SLC30A7: variants seen among roughly 807,000 people sequenced by gnomAD.
SLC30A7 encodes the protein zinc transporter 7.
SLC30A7 carries 35 observed loss-of-function variants against 46.0 expected under a neutral mutation model. The ratio of observed to expected loss-of-function variants is 0.76; its 90% confidence interval spans 0.58 to 1.01. SLC30A7 has a LOEUF of 1.01. Ranked by LOEUF, SLC30A7 falls within the 50% of genes least tolerant of loss-of-function variation. SLC30A7 has a pLI of 0.00. For synonymous variants in SLC30A7, 147 were observed against 157.8 expected (o/e 0.93, Z 0.51); for missense variants, 464 against 451.1 (o/e 1.03, Z -0.26).
chr1:100,931,019 C>T lies in SLC30A7; in HGVS notation c.842+9178C>T, dbSNP rs762695830. 3.3e-5 allele frequency among the ~76,000 whole-genome samples: 5 copies of T among 151,892 alleles called. No individual in the cohort carries two copies. In the South Asian group the frequency reaches 1.0e-3, roughly 31 times the overall value. On this transcript the variant is annotated intron_variant, in intron 8 of 10. Coordinates refer to ENST00000357650, the MANE Select transcript of SLC30A7 (RefSeq NM_133496.5). Reference sequence around the variant, plus strand: ...ATCCTTGGGGCAATTGAGAAATAGTCGCTAAAATCATTTTCTGTGTTCATT... The same window carrying T: ...ATCCTTGGGGCAATTGAGAAATAGTTGCTAAAATCATTTTCTGTGTTCATT...
At position 100,947,315 on chromosome 1, in the gene SLC30A7, C is replaced by T. The variant is rs1219187786; in HGVS notation, c.843-14513C>T. ...ATTTCTGCCTTCATTTCATTATTTA[C>T]CCAGTAGTCATTCAGGAACAGGTTG... On this transcript the variant is annotated intron_variant, in intron 8 of 10. Coordinates refer to ENST00000357650, the MANE Select transcript of SLC30A7 (RefSeq NM_133496.5). Among the ~76,000 whole-genome samples, 5 of 152,072 alleles carry T rather than the reference C, an allele frequency of 3.3e-5. No individual in the cohort carries two copies. The East Asian group carries it at 5.8e-4, about 18-fold the overall frequency.
chr1:100,924,600 C>T (rs1415117070), intron 8 of SLC30A7, among the ~76,000 whole-genome samples: 5 of 151,632 alleles, frequency 3.3e-5, no homozygotes, highest in Non-Finnish European at 7.4e-5. Flanking sequence ...TTTGTTATTG[C>T]CCTCAAGCTC....
At chr1:100,899,903 A>G (rs1416054513) in intron 2 of SLC30A7, among the ~76,000 whole-genome samples, 1 of 152,010 alleles carries the variant, frequency 6.6e-6, no homozygotes, top group Non-Finnish European at 1.5e-5. Flanking sequence ...CCTAGTTGCA[A>G]ATGTAGTCTT....
rs1650909091 is a variant in SLC30A7 at position 100,896,231 on chromosome 1, G to C, written c.-32G>C. 1 of 1,606,344 alleles carries C rather than the reference G, an allele frequency of 6.2e-7. No individual in the cohort carries two copies. The highest frequency in any genetic ancestry group is 1.1e-5 in the South Asian group (1 of 90,890). On this transcript the variant is annotated 5_prime_UTR_variant, in exon 1 of 11. Coordinates refer to ENST00000357650, the MANE Select transcript of SLC30A7 (RefSeq NM_133496.5). ...ACCCCACGGAGCCACTTCTAGAGGG[G>C]AGTAGACCCGGCCCTTCGCCGGGCA...
intron 8 of SLC30A7, among the ~76,000 whole-genome samples, chr1:100,922,585 G>A (rs1653018165): frequency 6.6e-6 from 1 of 152,160 alleles, no homozygotes; most frequent in Non-Finnish European, 1.5e-5. Flanking sequence ...AATGCTACCT[G>A]AAATGAATTA....
intron 8 of SLC30A7, among the ~76,000 whole-genome samples, chr1:100,928,793 C>T (rs979516879): frequency 6.6e-6 from 1 of 152,088 alleles, no homozygotes; most frequent in African/African-American, 2.4e-5. Flanking sequence ...AGCAGTATTT[C>T]TTTACAATCA....
At chr1:100,951,639 C>A (rs904755455) in intron 8 of SLC30A7, among the ~76,000 whole-genome samples, 1 of 152,162 alleles carries the variant, frequency 6.6e-6, no homozygotes. Context: ...GTTCGTGCTG[C>A]TCAGCCTGCC....
At chr1:100,913,474 C>T (rs563346278) in intron 5 of SLC30A7, among the ~76,000 whole-genome samples, 189 bp from the exon 6 acceptor site, 23 of 152,290 alleles carry the variant, frequency 1.5e-4, no homozygotes, top group African/African-American at 5.5e-4. Context: ...TCTATGCTTT[C>T]ATTACCTTCT....
chr1:100,899,381 T>C (rs149234183), intron 2 of SLC30A7, among the ~76,000 whole-genome samples: 1 of 152,338 alleles, frequency 6.6e-6, no homozygotes, highest in East Asian at 1.9e-4. Flanking sequence ...CTCTTAGAAA[T>C]TGGGAGGAAA....
the SLC30A7 span, among the ~76,000 whole-genome samples, chr1:100,993,882 A>T: frequency 2.6e-5 from 4 of 151,634 alleles, no homozygotes; most frequent in African/African-American, 9.7e-5. Context: ...CTGGGATTAC[A>T]GGTGCCTGCC....
In SLC30A7 at chr1:100,965,749, A is replaced by G. The variant is rs761277486; in HGVS notation, c.934-20A>G. The G allele has an allele frequency of 2.5e-6, 4 of 1,606,926 alleles. No homozygotes were observed. The highest frequency in any genetic ancestry group is 2.2e-5 in the East Asian group (1 of 44,810). On this transcript the variant is annotated intron_variant, in intron 9 of 10. Transcript: ENST00000357650. ...TGCTTAACTTGATTATGATGTTAAT[A>G]TCTCTCCTTTATATTTCAGGTACAG... is the stretch of plus-strand genomic sequence containing the variant.
At chr1:100,929,634 G>A (rs936958127) in intron 8 of SLC30A7, among the ~76,000 whole-genome samples, 26 of 151,994 alleles carry the variant, frequency 1.7e-4, no homozygotes, top group Middle Eastern at 3.2e-3. Flanking sequence ...ACGTGCCATG[G>A]AAATATATGT....
intron 6 of SLC30A7, among the ~76,000 whole-genome samples, chr1:100,916,350 T>C (rs1038382565): frequency 2.6e-5 from 4 of 152,038 alleles, no homozygotes; most frequent in African/African-American, 9.7e-5. Flanking sequence ...CACACCCAGC[T>C]AACTTTTTGT....
Position 100,965,868 on chromosome 1 carries a change from G to A in SLC30A7, c.1033G>A (p.Asp345Asn), listed in dbSNP as rs929233770. ...VGTLKLIVAP[D>N]ADARWILSQT... Reference sequence around the variant, plus strand: ...GACCTTGAAATTAATAGTAGCACCTGATGCTGATGCTAGGTGGATTTTAAG... The same window carrying A: ...GACCTTGAAATTAATAGTAGCACCTAATGCTGATGCTAGGTGGATTTTAAG... Residue 345 changes from aspartate to asparagine, a missense_variant, in exon 10 of 11, where the codon GAT becomes AAT. Transcript: ENST00000357650. 1 of 1,613,944 alleles carries A rather than the reference G, an allele frequency of 6.2e-7. No homozygotes were observed. The highest frequency in any genetic ancestry group is 8.5e-7 in the Non-Finnish European group (1 of 1,179,894).
chr1:100,970,227 C>T (rs1656082751), intron 10 of SLC30A7, among the ~76,000 whole-genome samples: 1 of 151,862 alleles, frequency 6.6e-6, no homozygotes, highest in Admixed American at 6.6e-5. Flanking sequence ...TTTCTTATAG[C>T]CAGTCTTAAA....
intron 8 of SLC30A7, among the ~76,000 whole-genome samples, chr1:100,953,994 A>G (rs1655085310): frequency 6.6e-6 from 1 of 152,154 alleles, no homozygotes; most frequent in African/African-American, 2.4e-5. Context: ...GAGGCTCTTC[A>G]CTGTTATGCT....
At chr1:100,991,697 G>C in the SLC30A7 span, among the ~76,000 whole-genome samples, 3 of 151,200 alleles carry the variant, frequency 2.0e-5, no homozygotes, top group African/African-American at 7.3e-5. Flanking sequence ...GCTAAGGTGA[G>C]AGGGTGGCTT....
At chr1:100,995,028 G>T in the SLC30A7 span, 2 of 973,694 alleles carry the variant, frequency 2.1e-6, no homozygotes, top group Non-Finnish European at 1.6e-6. Context: ...ACCATCTTTA[G>T]AACTCAGGTC....
intron 2 of SLC30A7, among the ~76,000 whole-genome samples, chr1:100,904,794 T>C (rs1246487129): frequency 1.3e-5 from 2 of 152,210 alleles, no homozygotes; most frequent in Non-Finnish European, 2.9e-5. Context: ...ACCCAGTTTA[T>C]GGTGAAGGCA....
Sources: gnomAD v4.1 joint callset for allele counts (sites outside exome capture counted in the v4.1 genomes callset) on GRCh38, gnomAD v4.1.1 for gene constraint, MANE v1.5 for transcripts, NCBI Gene and HGNC (gene_info 2026-07-23, HGNC 2026-07-21) for gene names.